GPR139: variants seen among roughly 807,000 people sequenced by gnomAD.
GPR139 encodes probable G protein-coupled receptor 139.
In GPR139, 12 loss-of-function variants were observed where a neutral mutation model predicts 25.8. The ratio of observed to expected loss-of-function variants is 0.47; its 90% CI spans 0.30 to 0.75. The LOEUF is 0.75. Among genes scored for constraint, GPR139 ranks in the 30% least tolerant of loss-of-function variants. The pLI is 0.07. For synonymous variants in GPR139, 184 were observed against 179.9 expected (o/e 1.02, Z -0.18); for missense variants, 380 against 450.2 (o/e 0.84, Z 1.41).
chr16:20,044,730 C>G (rs887072037), intron 1 of GPR139, among the ~76,000 whole-genome samples: 1 of 152,074 alleles, frequency 6.6e-6, no homozygotes, highest in Admixed American at 6.6e-5. Flanking sequence ...TAATACCAGG[C>G]AATACCTAAT....
chr16:20,057,435 C>T (rs1282797746), intron 1 of GPR139, among the ~76,000 whole-genome samples: 1 of 152,010 alleles, frequency 6.6e-6, no homozygotes, highest in African/African-American at 2.4e-5. Flanking sequence ...AAGACGTTGT[C>T]TTCAGTATTC....
rs1034194829 is a variant in GPR139 at position 20,031,636 on chromosome 16, G to A, written c.*99C>T. 3.4e-6 allele frequency: 3 copies of A among 874,128 alleles called. No individual in the cohort carries two copies. Among genetic ancestry groups the A allele is most frequent in the East Asian group, 2.4e-5 (1 of 41,298 alleles). 54.1% of individuals were successfully genotyped at this position (874,128 alleles called of 1,614,324 possible). ...CCCAGTCTGCGGGAGACAGGAAATC[G>A]GATTAGCACTCTTAAGGAGAGCTGC... is the stretch of plus-strand genomic sequence containing the variant. On this transcript the variant is annotated 3_prime_UTR_variant, in exon 2 of 2. Transcript: ENST00000570682.
In GPR139 at chr16:20,029,212, T is replaced by C. The variant is rs1198749032; in HGVS notation, c.*2523A>G. 6.6e-6 allele frequency among the ~76,000 whole-genome samples: 1 copy of C among 152,016 alleles called. No homozygotes were observed. Among genetic ancestry groups the C allele is most frequent in the Non-Finnish European group, 1.5e-5 (1 of 68,022 alleles). ...GAGGAAAAGAGATCACAATACCACG[T>C]GGTAGAGCCTCTATCATCGAGAAGT... On this transcript the variant is annotated 3_prime_UTR_variant, in exon 2 of 2. Coordinates refer to ENST00000570682, the MANE Select transcript of GPR139 (RefSeq NM_001002911.4).
chr16:20,043,478 A>T (rs963339108), intron 1 of GPR139, among the ~76,000 whole-genome samples: 15 of 152,228 alleles, frequency 9.9e-5, no homozygotes, highest in African/African-American at 3.4e-4. Flanking sequence ...TTTTAAAATT[A>T]TGCATTTAGT....
intron 1 of GPR139, among the ~76,000 whole-genome samples, chr16:20,071,753 G>GA (rs1255972588): frequency 2.0e-5 from 3 of 152,258 alleles, no homozygotes; most frequent in African/African-American, 7.2e-5. Flanking sequence ...AAAGGCCTAA[G>GA]TTTTTCCTCA....
At position 20,043,561 on chromosome 16, in the gene GPR139, G is replaced by T. The variant is rs187771557; in HGVS notation, c.128-10892C>A. 1.2e-3 allele frequency among the ~76,000 whole-genome samples: 186 copies of T among 152,320 alleles called. 1 individual carries two copies. In the Middle Eastern group the frequency reaches 0.017, roughly 14 times the overall value. ...AAGACATGCTTATATAATAAGGTCA[G>T]TTTATTTTAAAAGTGAGTTGATTAA... On this transcript the variant is annotated intron_variant, in intron 1 of 1. Coordinates refer to ENST00000570682, the MANE Select transcript of GPR139 (RefSeq NM_001002911.4).
rs763292683 is a variant in GPR139 at position 20,032,162 on chromosome 16, C to A, written c.635G>T (p.Arg212Met). Residue 212 changes from arginine (R) to methionine (M), a missense_variant, in exon 2 of 2, where the codon AGG (arginine) becomes ATG (methionine). Physicochemically the swap from Arg to Met is moderately conservative, Grantham distance 91. Coordinates refer to ENST00000570682, the MANE Select transcript of GPR139 (RefSeq NM_001002911.4). Reference protein sequence around the residue: ...LNSIIVYKLRRKSNFRLRGYS... With the variant: ...LNSIIVYKLRMKSNFRLRGYS... The stretch of plus-strand genomic sequence containing the variant: ...GCCACGGAGACGAAAATTGCTCTTC[C>A]TCCTGAGCTTGTACACAATGATTGA... The A allele has an allele frequency of 1.2e-5, 19 of 1,614,052 alleles. No individual in the cohort carries two copies. Among genetic ancestry groups the A allele is most frequent in the Non-Finnish European group, 1.5e-5 (18 of 1,180,042 alleles).
Position 20,031,276 on chromosome 16 carries a change from G to A in GPR139, c.*459C>T, listed in dbSNP as rs886762690. ...AAAAAATCCTGAAATAGTCATTATT[G>A]TTAGCTCCTGGGAACAGCAGAGGGA... On this transcript the variant is annotated 3_prime_UTR_variant, in exon 2 of 2. Transcript: ENST00000570682. Among the ~76,000 whole-genome samples, 1 of 152,110 alleles carries A rather than the reference G, an allele frequency of 6.6e-6. No homozygotes were observed. The highest frequency in any genetic ancestry group is 2.4e-5 in the African/African-American group (1 of 41,398).
intron 1 of GPR139, among the ~76,000 whole-genome samples, chr16:20,063,601 C>T (rs72772770): frequency 0.041 from 6,174 of 152,316 alleles, 150 homozygotes; most frequent in Non-Finnish European, 0.056. Context: ...ATCAGAAGGA[C>T]TAAGACAGCT....
At chr16:20,052,654 G>T (rs2057376431) in intron 1 of GPR139, among the ~76,000 whole-genome samples, 1 of 151,992 alleles carries the variant, frequency 6.6e-6, no homozygotes, top group Non-Finnish European at 1.5e-5. Context: ...CAAATTAGCC[G>T]GGCGTGGTGG....
chr16:20,045,167 T>G (rs921224322), intron 1 of GPR139, among the ~76,000 whole-genome samples: 4 of 151,920 alleles, frequency 2.6e-5, no homozygotes, highest in Non-Finnish European at 5.9e-5. Flanking sequence ...GCTCAGCTAA[T>G]TTTTATATTT....
At chr16:20,067,411 T>C (rs2057438644) in intron 1 of GPR139, among the ~76,000 whole-genome samples, 1 of 152,230 alleles carries the variant, frequency 6.6e-6, no homozygotes, top group African/African-American at 2.4e-5. Flanking sequence ...AAGTGCTCTT[T>C]TTCTCACTGC....
At position 20,030,138 on chromosome 16, in the gene GPR139, T is replaced by G. The variant is rs556730643; in HGVS notation, c.*1597A>C. Among the ~76,000 whole-genome samples the G allele has an allele frequency of 6.6e-6, 1 of 152,356 alleles. No homozygotes were observed. Among genetic ancestry groups the G allele is most frequent in the South Asian group, 2.1e-4 (1 of 4,826 alleles). Reference sequence around the variant, plus strand: ...AGAGCATTGGCTGAAGTTTAGGGTTTGTGTTGCCATGGGGCCTTTTCTTAT... The same window carrying G: ...AGAGCATTGGCTGAAGTTTAGGGTTGGTGTTGCCATGGGGCCTTTTCTTAT... On this transcript the variant is annotated 3_prime_UTR_variant, in exon 2 of 2. Transcript: ENST00000570682.
chr16:20,047,546 A>G lies in GPR139; in HGVS notation c.128-14877T>C, dbSNP rs1268432555. Among the ~76,000 whole-genome samples the G allele has an allele frequency of 6.6e-5, 10 of 152,334 alleles. No individual in the cohort carries two copies. In the East Asian group the frequency reaches 1.9e-3, roughly 29 times the overall value. ...TTTGCATCCAGTGTTTCCAATTTAA[A>G]AGAAGAAAAAACAATAACACGTGAC... On this transcript the variant is annotated intron_variant, in intron 1 of 1. Transcript: ENST00000570682.
At chr16:20,036,505 G>A (rs568518761) in intron 1 of GPR139, among the ~76,000 whole-genome samples, 3 of 152,290 alleles carry the variant, frequency 2.0e-5, no homozygotes, top group East Asian at 3.9e-4. Context: ...CTGGGGAGGC[G>A]TCACAATCAT....
intron 1 of GPR139, among the ~76,000 whole-genome samples, chr16:20,062,595 AT>A (rs1034640395): frequency 6.6e-6 from 1 of 152,154 alleles, no homozygotes; most frequent in Non-Finnish European, 1.5e-5. Context: ...CAACTTTGTG[AT>A]TTTTGCTGCA....
intron 1 of GPR139, among the ~76,000 whole-genome samples, chr16:20,060,238 G>C (rs918489396): frequency 6.6e-6 from 1 of 151,512 alleles, no homozygotes; most frequent in African/African-American, 2.4e-5. Flanking sequence ...TTTGGCTGCA[G>C]GGTGTGTGTG....
In GPR139 at chr16:20,072,983, AG is replaced by A. The variant is rs2057465140; in HGVS notation, c.127+506del. On this transcript the variant is annotated intron_variant, in intron 1 of 1. Coordinates refer to ENST00000570682, the MANE Select transcript of GPR139 (RefSeq NM_001002911.4). Reference sequence around the variant, plus strand: ...CATTCCAGTGCCCCCCGAGCAAGAGAGTGCTCAATGTCAGGGTCTCCAGCTT... The same window carrying A: ...CATTCCAGTGCCCCCCGAGCAAGAGATGCTCAATGTCAGGGTCTCCAGCTT... 2.6e-5 allele frequency among the ~76,000 whole-genome samples: 4 copies of A among 152,170 alleles called. No homozygotes were observed. In the South Asian group the frequency reaches 8.3e-4, roughly 32 times the overall value.
intron 1 of GPR139, among the ~76,000 whole-genome samples, chr16:20,033,891 AATAC>A (rs1305892049): frequency 1.5e-4 from 23 of 151,968 alleles, no homozygotes; most frequent in Admixed American, 1.5e-3. Flanking sequence ...GCACCAACCT[AATAC>A]ATAGTTTTTG....
Sources: allele counts gnomAD v4.1 joint callset (sites outside exome capture counted in the v4.1 genomes callset), GRCh38; gene constraint gnomAD v4.1.1; transcripts MANE v1.5; gene names NCBI Gene and HGNC (gene_info 2026-07-23, HGNC 2026-07-21).